The following NAV3 variants were observed in gnomAD, a reference collection of about 807,000 sequenced individuals.
The protein encoded by NAV3 is neuron navigator 3, also known as pore membrane and/or filament interacting like protein 1.
Under a neutral mutation model 244.7 loss-of-function variants are expected in NAV3, and 87 were observed. The observed-to-expected ratio is 0.36, with a 90% CI of 0.30 to 0.42. The LOEUF (loss-of-function observed/expected upper bound fraction) is 0.42, where lower values mean the gene tolerates loss of function less well. Among genes scored for constraint, NAV3 ranks in the 20% least tolerant of loss-of-function variants. The pLI, the probability that NAV3 is intolerant of heterozygous loss-of-function variation, is 1.00. For synonymous variants in NAV3, 1,126 were observed against 1,042.2 expected (o/e 1.08, Z -1.55); for missense variants, 2,663 against 2,893.3 (o/e 0.92, Z 1.83).
At chr12:77,885,283 GTAATGATC>G (rs1234430887) in intron 1 of NAV3, among the ~76,000 whole-genome samples, 1 of 152,090 alleles carries the variant, frequency 6.6e-6, no homozygotes, top group African/African-American at 2.4e-5. Context: ...CTCTTAAAAT[GTAATGATC>G]TAATTATATG....
At chr12:78,201,491 T>A (rs1454547680) in intron 38 of NAV3, among the ~76,000 whole-genome samples, 2 of 151,980 alleles carry the variant, frequency 1.3e-5, no homozygotes, top group Non-Finnish European at 2.9e-5. Context: ...TCTTTGCTCT[T>A]CCTTTCATGT....
At chr12:78,113,739 A>G (rs1038522719) in intron 12 of NAV3, among the ~76,000 whole-genome samples, 3 of 152,048 alleles carry the variant, frequency 2.0e-5, no homozygotes, top group African/African-American at 2.4e-5. Context: ...CATTTTCCCT[A>G]TTGTCTTATT....
At chr12:77,583,195 G>A (rs1869447682) in intron 2 of NAV3, among the ~76,000 whole-genome samples, 1 of 152,146 alleles carries the variant, frequency 6.6e-6, no homozygotes. Context: ...AAATTTTGCT[G>A]CTGGTAATTA....
chr12:78,207,437 G>A (rs989116331), intron 39 of NAV3, among the ~76,000 whole-genome samples: 1 of 152,166 alleles, frequency 6.6e-6, no homozygotes, highest in Non-Finnish European at 1.5e-5. Flanking sequence ...ATCTCAAGAA[G>A]CTTAAAATCC....
At chr12:77,624,013 C>A (rs1377751115) in intron 2 of NAV3, among the ~76,000 whole-genome samples, 1 of 152,186 alleles carries the variant, frequency 6.6e-6, no homozygotes, top group South Asian at 2.1e-4. Context: ...AGGAATCAGG[C>A]ATACAATAAT....
chr12:77,620,706 C>T (rs1871335097), intron 2 of NAV3, among the ~76,000 whole-genome samples: 1 of 152,062 alleles, frequency 6.6e-6, no homozygotes, highest in Non-Finnish European at 1.5e-5. Flanking sequence ...AGGTGATCCA[C>T]CCCCCTCAGC....
At chr12:77,972,453 AT>A (rs529748971) in intron 5 of NAV3, among the ~76,000 whole-genome samples, 9 of 152,232 alleles carry the variant, frequency 5.9e-5, no homozygotes, top group South Asian at 2.1e-4. Context: ...CTATGTCAGT[AT>A]TTTTTTGATG....
chr12:78,206,854 C>CTTTTTTTTTTTTTTTTTTTTTT (rs10594185), intron 39 of NAV3, among the ~76,000 whole-genome samples: 4 of 114,838 alleles, frequency 3.5e-5, no homozygotes, highest in Non-Finnish European at 5.3e-5. Flanking sequence ...TTCTTTCTTA[C>CTTTTTTTTTTTTTTTTTTTTTT]TTTTTTTTTT....
At chr12:78,134,872 A>C (rs1468371356) in intron 18 of NAV3, among the ~76,000 whole-genome samples, 1 of 152,242 alleles carries the variant, frequency 6.6e-6, no homozygotes, top group African/African-American at 2.4e-5. Context: ...GGCTTTGCCA[A>C]GATAGTGGCT....
chr12:78,076,990 C>T (rs1258534038), intron 12 of NAV3, among the ~76,000 whole-genome samples: 1 of 152,054 alleles, frequency 6.6e-6, no homozygotes, highest in East Asian at 1.9e-4. Context: ...GTGTCTAAAA[C>T]ATCAAAGAAT....
intron 2 of NAV3, among the ~76,000 whole-genome samples, chr12:77,702,636 T>C (rs1875612780): frequency 6.6e-6 from 1 of 152,012 alleles, no homozygotes; most frequent in Non-Finnish European, 1.5e-5. Context: ...GCTCTCACAC[T>C]CTGCTTATGG....
chr12:78,175,529 C>G (rs2139655443), intron 25 of NAV3, 102 bp downstream of exon 25: 1 of 1,428,140 alleles, frequency 7.0e-7, no homozygotes, highest in Non-Finnish European at 9.5e-7. Flanking sequence ...TACAAAGGGT[C>G]CCATTCAAGC....
At chr12:78,175,468 G>A (rs1196116763) in intron 25 of NAV3, 41 bp downstream of exon 25, 25 of 1,595,342 alleles carry the variant, frequency 1.6e-5, no homozygotes, top group African/African-American at 2.7e-5. Flanking sequence ...GCTTATTAAT[G>A]CATAATGTGT....
intron 1 of NAV3, among the ~76,000 whole-genome samples, chr12:77,896,630 A>G (rs1592930526): frequency 6.6e-6 from 1 of 152,236 alleles, no homozygotes; most frequent in Non-Finnish European, 1.5e-5. Flanking sequence ...CAATTGCATT[A>G]TGAATAGCAA....
chr12:77,962,018 G>T (rs144361737), intron 3 of NAV3, among the ~76,000 whole-genome samples: 1 of 151,624 alleles, frequency 6.6e-6, no homozygotes, highest in Non-Finnish European at 1.5e-5. Context: ...AGCTCTTGTC[G>T]TACATGACTT....
Position 78,140,324 on chromosome 12 carries a change from T to G in NAV3, c.4673T>G (p.Leu1558Arg), listed in dbSNP as rs746861229. The G allele has an allele frequency of 1.2e-6, 2 of 1,613,052 alleles. No individual in the cohort carries two copies. Among genetic ancestry groups the G allele is most frequent in the African/African-American group, 2.7e-5 (2 of 75,032 alleles). The change falls in exon 20 of 40, where the codon CTT becomes CGT. Residue 1558 changes from leucine (L) to arginine (R), a missense_variant. Physicochemically the swap from Leu to Arg is moderately radical, Grantham distance 102 (BLOSUM62 -2). Transcript: ENST00000397909. ...TCACTGGTGTCCAGCACTTCTTCTCTTTACTCTACAGTAAGTAATGGCTGT... is the reference window on the plus strand; with the variant it reads ...TCACTGGTGTCCAGCACTTCTTCTCGTTACTCTACAGTAAGTAATGGCTGT... ...SLSLVSSTSSLYSTAEEKAHS... is the reference protein window; with the variant it reads ...SLSLVSSTSSRYSTAEEKAHS...
chr12:78,060,539 T>C (rs1884175408), intron 12 of NAV3, among the ~76,000 whole-genome samples: 1 of 152,170 alleles, frequency 6.6e-6, no homozygotes, highest in South Asian at 2.1e-4. Flanking sequence ...ATTTTTGTCA[T>C]ATTCTTTACG....
At chr12:78,083,222 A>G (rs1030950618) in intron 12 of NAV3, among the ~76,000 whole-genome samples, 1 of 152,026 alleles carries the variant, frequency 6.6e-6, no homozygotes, top group African/African-American at 2.4e-5. Flanking sequence ...TAACAGACCT[A>G]CTCACACACT....
chr12:77,759,986 G>A (rs990716478), intron 2 of NAV3, among the ~76,000 whole-genome samples: 15 of 151,676 alleles, frequency 9.9e-5, no homozygotes, highest in African/African-American at 3.4e-4. Context: ...ATTAATACGT[G>A]TTTTCTTTCT....
Sources: allele counts gnomAD v4.1 joint callset (sites outside exome capture counted in the v4.1 genomes callset), GRCh38; gene constraint gnomAD v4.1.1; transcripts MANE v1.5; gene names NCBI Gene and HGNC (gene_info 2026-07-23, HGNC 2026-07-21).